The following EPHA8 variants were observed in gnomAD, a reference collection of about 807,000 sequenced individuals.
The protein encoded by EPHA8 is EPH receptor A8.
A neutral mutation model predicts 103.6 loss-of-function variants in EPHA8; 58 were observed. That is an observed-to-expected ratio of 0.56 (90% CI 0.45 to 0.70). EPHA8 has a LOEUF of 0.70. Among genes scored for constraint, EPHA8 ranks in the 30% least tolerant of loss-of-function variants. The probability of loss-of-function intolerance (pLI) is 0.00; values close to 1 mark genes in which losing one functional copy is unlikely to be tolerated. For synonymous variants in EPHA8, 559 were observed against 572.5 expected, an observed-to-expected ratio of 0.98 and a Z score of 0.34; for missense variants, 1,304 against 1,395.2, an observed-to-expected ratio of 0.93 and a Z score of 1.04.
At chr1:22,595,142 A>G in intron 7 of EPHA8, 88 bp from the exon 8 acceptor site, 1 of 1,133,956 alleles carries the variant, frequency 8.8e-7, no homozygotes, top group Non-Finnish European at 1.2e-6. Context: ...CCAGGGTCAC[A>G]GCCAGGCAGG....
chr1:22,577,362 G>A (rs140231098), intron 3 of EPHA8, among the ~76,000 whole-genome samples: 2 of 152,312 alleles, frequency 1.3e-5, no homozygotes, highest in African/African-American at 4.8e-5. Context: ...CTTGCCCAAG[G>A]TCATGCAGCT....
At chr1:22,568,742 T>A (rs1640441111) in intron 1 of EPHA8, among the ~76,000 whole-genome samples, 1 of 152,160 alleles carries the variant, frequency 6.6e-6, no homozygotes, top group African/African-American at 2.4e-5. Flanking sequence ...ACAGGGTGAT[T>A]ATGAAGCTGG....
intron 7 of EPHA8, among the ~76,000 whole-genome samples, chr1:22,594,277 A>G (rs1447772589): frequency 6.6e-6 from 1 of 152,204 alleles, no homozygotes; most frequent in Non-Finnish European, 1.5e-5. Context: ...CTCTGTCAGC[A>G]TTTGCACAGA....
chr1:22,579,943 T>A (rs1557563712), intron 3 of EPHA8, among the ~76,000 whole-genome samples: 3 of 152,014 alleles, frequency 2.0e-5, no homozygotes, highest in African/African-American at 7.2e-5. Context: ...GAAAGGCCCC[T>A]GAGCGCTAAT....
intron 3 of EPHA8, among the ~76,000 whole-genome samples, chr1:22,581,110 T>G (rs1003448471): frequency 6.6e-6 from 1 of 152,238 alleles, no homozygotes; most frequent in Non-Finnish European, 1.5e-5. Context: ...ATAAGTATTA[T>G]AGTCCCATTT....
At chr1:22,578,326 G>GTGCA (rs1640840390) in intron 3 of EPHA8, among the ~76,000 whole-genome samples, 1 of 151,370 alleles carries the variant, frequency 6.6e-6, no homozygotes, top group African/African-American at 2.4e-5. Context: ...GTATGCATGT[G>GTGCA]TGCATGAGTG....
rs1283357440 is a variant in EPHA8 at position 22,563,653 on chromosome 1, C to T, written c.18C>T (p.Gly6=). Residue 6 remains glycine, a synonymous_variant, in exon 1 of 17, where the codon GGC becomes GGT. Coordinates refer to ENST00000166244, the MANE Select transcript of EPHA8 (RefSeq NM_020526.5). The surrounding 1 kb of genome is among the most constrained non-coding windows in gnomAD (Gnocchi z 4.4). The stretch of plus-strand genomic sequence containing the variant: ...GCCCGGCCATGGCCCCCGCCCGGGG[C>T]CGCCTGCCCCCTGCGCTCTGGGTCG... MAPAR[G]RLPPALWVVT... The T allele has an allele frequency of 2.0e-5, 3 of 146,588 alleles. No individual in the cohort carries two copies. The highest frequency in any genetic ancestry group is 4.6e-5 in the Non-Finnish European group (3 of 65,680). The allele number at this position is 146,588 out of a possible 1,614,324, so 9.1% of individuals were successfully genotyped here.
In EPHA8 at chr1:22,597,678, G is replaced by A. The variant is rs533721836; in HGVS notation, c.1933G>A (p.Asp645Asn). ...IHIEKIIGSG[D>N]SGEVCYGRLR... Reference sequence around the variant, plus strand: ...CCTGCCCCTCTCGGGGCCTGCAGGAGACTCCGGGGAAGTCTGCTACGGGAG... The same window carrying A: ...CCTGCCCCTCTCGGGGCCTGCAGGAAACTCCGGGGAAGTCTGCTACGGGAG... Residue 645 changes from aspartate to asparagine, a missense_variant and splice_region_variant, in exon 11 of 17, where the codon GAC becomes AAC. Coordinates refer to ENST00000166244, the MANE Select transcript of EPHA8 (RefSeq NM_020526.5). This position sits in a 1 kb window ranked among gnomAD's most constrained non-coding sequence, Gnocchi z 4.6. The A allele has an allele frequency of 1.4e-5, 22 of 1,604,532 alleles. No homozygotes were observed. In the South Asian group the frequency reaches 2.1e-4, roughly 15 times the overall value.
Position 22,596,292 on chromosome 1 carries a change from AG to A in EPHA8, c.1765+120del, listed in dbSNP as rs369188699. 672 of 991,910 alleles carry A rather than the reference AG, an allele frequency of 6.8e-4. 10 individuals carry two copies. The East Asian group carries it at 0.016, about 24-fold the overall frequency. The allele number at this position is 991,910 out of a possible 1,614,324, so 61.4% of individuals were successfully genotyped here. A position where few individuals can be genotyped will look rare whatever the true frequency, so the allele number is the denominator to read the frequency against. On this transcript the variant is annotated intron_variant, in intron 9 of 16. Transcript: ENST00000166244. ...TGCCCAGTGAAAAAACCAGAGCCCA[AG>A]AGGCAGATTCCAGGGTGTCACAGAG... is the stretch of plus-strand genomic sequence containing the variant.
rs760797198 is a variant in EPHA8, at chr1:22,597,303, G to A, written c.1766-9G>A. The A allele has an allele frequency of 2.4e-5, 20 of 825,350 alleles. No individual in the cohort carries two copies. The highest frequency in any genetic ancestry group is 3.6e-5 in the African/African-American group (2 of 55,220). The allele number at this position is 825,350 out of a possible 1,614,324, so 51.1% of individuals were successfully genotyped here. A position where few individuals can be genotyped will look rare whatever the true frequency, so the allele number is the denominator to read the frequency against. On this transcript the variant is annotated splice_polypyrimidine_tract_variant and intron_variant, in intron 9 of 16. Coordinates refer to ENST00000166244, the MANE Select transcript of EPHA8 (RefSeq NM_020526.5). The surrounding 1 kb of genome is among the most constrained non-coding windows in gnomAD (Gnocchi z 4.6). ...GGGCCCCACTGAAGGCCCTCCTCCC[G>A]CCCCTCAGCACCCCCACCTGTCTTC...
At chr1:22,596,485 T>C (rs1641521965) in intron 9 of EPHA8, among the ~76,000 whole-genome samples, 1 of 152,036 alleles carries the variant, frequency 6.6e-6, no homozygotes, top group Non-Finnish European at 1.5e-5. Context: ...ATTTTCAGGA[T>C]CCTGTAGAGA....
Position 22,589,160 on chromosome 1 carries a change from C to T in EPHA8, c.1269C>T (p.Pro423=), listed in dbSNP as rs142397424. The change falls in exon 5 of 17, where the codon CCC becomes CCT. Residue 423 remains proline (P), a synonymous_variant. Transcript: ENST00000166244. The surrounding 1 kb of genome is among the most constrained non-coding windows in gnomAD (Gnocchi z 4.3). ...EAVNGVSDLS[P]EPRRAAVVNI... is the part of the protein sequence containing the mutation. ...TCAATGGCGTGTCCGACCTGAGCCC[C>T]GAGCCCCGCCGGGCCGCTGTGGTCA... 116 of 1,613,822 alleles carry T rather than the reference C, an allele frequency of 7.2e-5. No individual in the cohort carries two copies. In the African/African-American group the frequency reaches 1.2e-3, roughly 17 times the overall value.
At chr1:22,600,093 G>GAGGAAGGAGAGAAGGAGGA (rs1557584085) in intron 13 of EPHA8, among the ~76,000 whole-genome samples, 1 of 117,784 alleles carries the variant, frequency 8.5e-6, no homozygotes, top group East Asian at 2.9e-4. Context: ...GGGAGGGAGG[G>GAGGAAGGAGAGAAGGAGGA]AGGAAGGAGA....
chr1:22,564,556 G>A (rs897075676), intron 1 of EPHA8, among the ~76,000 whole-genome samples: 3 of 151,994 alleles, frequency 2.0e-5, no homozygotes, highest in Non-Finnish European at 2.9e-5. Flanking sequence ...AAGGATTGGG[G>A]TGGGGAGGTG....
rs1569946793 is a variant in EPHA8 at position 22,569,420 on chromosome 1, T to G, written c.159+67T>G. The G allele has an allele frequency of 6.7e-7, 1 of 1,491,838 alleles. No individual in the cohort carries two copies. Among genetic ancestry groups the G allele is most frequent in the Non-Finnish European group, 9.1e-7 (1 of 1,104,352 alleles). The allele number at this position is 1,491,838 out of a possible 1,614,324, so 92.4% of individuals were successfully genotyped here. On this transcript the variant is annotated intron_variant, in intron 2 of 16. Coordinates refer to ENST00000166244, the MANE Select transcript of EPHA8 (RefSeq NM_020526.5). This position sits in a 1 kb window ranked among gnomAD's most constrained non-coding sequence, Gnocchi z 4.5. ...CAGAGAGAGGCTGCCACTCACAGAG[T>G]CTGCATGAGATAGATCAAAAGGAAG...
intron 2 of EPHA8, among the ~76,000 whole-genome samples, chr1:22,570,719 G>C (rs2124512350): frequency 6.6e-6 from 1 of 152,382 alleles, no homozygotes; most frequent in Middle Eastern, 3.4e-3. Flanking sequence ...GGAGCTGGGG[G>C]CAGGCCACAT....
intron 3 of EPHA8, among the ~76,000 whole-genome samples, chr1:22,579,025 G>T (rs987931589): frequency 6.9e-6 from 1 of 144,220 alleles, no homozygotes; most frequent in South Asian, 2.3e-4. Flanking sequence ...ATATGTGCAA[G>T]AGTATGTATG....
intron 2 of EPHA8, among the ~76,000 whole-genome samples, chr1:22,570,429 G>A (rs892195234): frequency 2.7e-5 from 2 of 75,276 alleles, no homozygotes; most frequent in African/African-American, 2.7e-4. Context: ...CCACAGGCAC[G>A]AGCACATTGT....
chr1:22,586,756 C>T (rs1641221809), intron 4 of EPHA8, 121 bp downstream of exon 4: 4 of 1,293,154 alleles, frequency 3.1e-6, no homozygotes, highest in South Asian at 1.5e-5. Flanking sequence ...GGGTGGCTCT[C>T]TTGAGCCAGA....
Sources: allele counts gnomAD v4.1 joint callset (sites outside exome capture counted in the v4.1 genomes callset), GRCh38; gene constraint gnomAD v4.1.1; non-coding constraint Gnocchi (gnomAD v3.1); transcripts MANE v1.5; gene names NCBI Gene and HGNC (gene_info 2026-07-23, HGNC 2026-07-21).